Variants in GRID2 observed in about 807,000 individuals in gnomAD.
The protein encoded by GRID2 is glutamate receptor ionotropic, delta-2.
A neutral mutation model predicts 114.8 loss-of-function variants in GRID2; 33 were observed. The ratio of observed to expected loss-of-function variants is 0.29; its 90% CI spans 0.22 to 0.38. The LOEUF (loss-of-function observed/expected upper bound fraction) is 0.38, where lower values mean the gene tolerates loss of function less well. Among genes scored for constraint, GRID2 ranks in the 10% least tolerant of loss-of-function variants. GRID2 has a pLI of 1.00. For synonymous variants in GRID2, 505 were observed against 449.9 expected, an observed-to-expected ratio of 1.12 and a Z score of -1.55; for missense variants, 1,184 against 1,257.7, an observed-to-expected ratio of 0.94 and a Z score of 0.89.
At chr4:93,576,851 G>A (rs1315749851) in intron 13 of GRID2, among the ~76,000 whole-genome samples, 7 of 151,950 alleles carry the variant, frequency 4.6e-5, no homozygotes, top group African/African-American at 1.7e-4. Flanking sequence ...TGGTTGGGAG[G>A]GGCAGGAGAT....
At chr4:93,065,108 A>C (rs1275171195) in intron 2 of GRID2, among the ~76,000 whole-genome samples, 1 of 151,878 alleles carries the variant, frequency 6.6e-6, no homozygotes, top group Non-Finnish European at 1.5e-5. Context: ...AAATTTAAAA[A>C]ATATTTTTGA....
At chr4:93,597,780 A>G (rs557404415) in intron 13 of GRID2, among the ~76,000 whole-genome samples, 6 of 152,322 alleles carry the variant, frequency 3.9e-5, no homozygotes, top group East Asian at 1.9e-4. Context: ...TTCTGCCTCA[A>G]CGAAAATCCT....
At chr4:92,953,826 T>C (rs1374512021) in intron 2 of GRID2, among the ~76,000 whole-genome samples, 4 of 152,146 alleles carry the variant, frequency 2.6e-5, no homozygotes, top group Non-Finnish European at 5.9e-5. Context: ...AATATCATAT[T>C]TCACAATTTT....
chr4:93,694,961 CA>C (rs945503305), intron 14 of GRID2, among the ~76,000 whole-genome samples: 1 of 152,104 alleles, frequency 6.6e-6, no homozygotes, highest in African/African-American at 2.4e-5. Context: ...TGCCTGAGCT[CA>C]GGAGTTCGAG....
intron 14 of GRID2, among the ~76,000 whole-genome samples, chr4:93,682,373 C>T (rs945315686): frequency 2.2e-4 from 33 of 151,612 alleles, no homozygotes; most frequent in Non-Finnish European, 4.0e-4. Flanking sequence ...GTCAGTGTGG[C>T]GATTCCTCAG....
intron 1 of GRID2, among the ~76,000 whole-genome samples, chr4:92,425,705 G>A (rs1732127611): frequency 6.6e-6 from 1 of 152,054 alleles, no homozygotes; most frequent in Non-Finnish European, 1.5e-5. Flanking sequence ...ATAGACTGTA[G>A]TTAGATTGCC....
intron 13 of GRID2, among the ~76,000 whole-genome samples, chr4:93,589,150 A>G (rs931875547): frequency 1.3e-5 from 2 of 151,140 alleles, no homozygotes; most frequent in African/African-American, 4.9e-5. Flanking sequence ...TGCTGCACGC[A>G]CTAACTCGTC....
At chr4:93,777,454 T>A (rs1233123098), downstream of GRID2, among the ~76,000 whole-genome samples, 1 of 152,228 alleles carries the variant, frequency 6.6e-6, no homozygotes, top group Non-Finnish European at 1.5e-5. Context: ...TGTATCATAG[T>A]TCCTAGAATT....
At chr4:92,632,271 C>A (rs374949754) in intron 2 of GRID2, among the ~76,000 whole-genome samples, 19 of 152,160 alleles carry the variant, frequency 1.2e-4, no homozygotes, top group African/African-American at 4.3e-4. Flanking sequence ...ATCAGTTTAC[C>A]TATTTTTCCA....
chr4:93,091,858 G>A (rs1055204970), intron 3 of GRID2, among the ~76,000 whole-genome samples: 5 of 152,044 alleles, frequency 3.3e-5, no homozygotes, highest in South Asian at 2.1e-4. Context: ...CATAAGCTCC[G>A]TTTAGGCAAG....
intron 8 of GRID2, among the ~76,000 whole-genome samples, chr4:93,282,899 A>T (rs923077858): frequency 6.6e-6 from 1 of 151,920 alleles, no homozygotes; most frequent in Non-Finnish European, 1.5e-5. Flanking sequence ...GCAAGAGTTG[A>T]GAGTGGAGGT....
chr4:93,072,446 T>C (rs1246492096), intron 2 of GRID2, among the ~76,000 whole-genome samples: 1 of 152,112 alleles, frequency 6.6e-6, no homozygotes, highest in Non-Finnish European at 1.5e-5. Context: ...TGCAGGCTAT[T>C]GAAGTACTCT....
intron 2 of GRID2, among the ~76,000 whole-genome samples, chr4:92,808,027 T>C (rs2149376931): frequency 6.6e-6 from 1 of 152,144 alleles, no homozygotes; most frequent in African/African-American, 2.4e-5. Flanking sequence ...CCAGATTATC[T>C]GGGTGATTAT....
chr4:92,512,525 T>C (rs116490353), intron 1 of GRID2, among the ~76,000 whole-genome samples: 1,529 of 151,970 alleles, frequency 0.01, 23 homozygotes, highest in African/African-American at 0.035. Context: ...CCAGATATCA[T>C]TTAGGAAGGA....
chr4:93,223,464 CTAAT>C (rs1745124693), intron 6 of GRID2, among the ~76,000 whole-genome samples: 2 of 152,144 alleles, frequency 1.3e-5, no homozygotes, highest in Non-Finnish European at 1.5e-5. Flanking sequence ...GCATCAGACT[CTAAT>C]TATCTCAATA....
intron 8 of GRID2, among the ~76,000 whole-genome samples, chr4:93,289,961 C>T (rs1323590383): frequency 6.6e-6 from 1 of 152,180 alleles, no homozygotes; most frequent in Non-Finnish European, 1.5e-5. Flanking sequence ...TGACATCACT[C>T]TTTCTGGCAG....
intron 1 of GRID2, among the ~76,000 whole-genome samples, chr4:92,550,781 C>A (rs1351223483): frequency 1.3e-5 from 2 of 151,990 alleles, no homozygotes; most frequent in Non-Finnish European, 1.5e-5. Context: ...GTCTGAAAAT[C>A]AAAAATGTAA....
intron 4 of GRID2, among the ~76,000 whole-genome samples, chr4:93,118,188 G>A (rs1455296985): frequency 6.6e-6 from 1 of 152,108 alleles, no homozygotes; most frequent in Admixed American, 6.5e-5. Context: ...CTCTGATCAA[G>A]CGTCACTGCT....
intron 14 of GRID2, among the ~76,000 whole-genome samples, chr4:93,759,395 G>A (rs1049085297): frequency 2.0e-5 from 3 of 152,050 alleles, no homozygotes; most frequent in Non-Finnish European, 4.4e-5. Context: ...ATGGGTCTTA[G>A]AGCCAACAAA....
Sources: allele counts gnomAD v4.1 joint callset (sites outside exome capture counted in the v4.1 genomes callset), GRCh38; gene constraint gnomAD v4.1.1; transcripts MANE v1.5; gene names NCBI Gene and HGNC (gene_info 2026-07-23, HGNC 2026-07-21).